The following NFASC variants were observed in gnomAD, a reference collection of about 807,000 sequenced individuals.
NFASC encodes neurofascin homolog.
Under a neutral mutation model 147.5 loss-of-function variants are expected in NFASC, and 43 were observed. The ratio of observed to expected loss-of-function variants is 0.29; its 90% CI spans 0.23 to 0.38. NFASC has a LOEUF of 0.38. NFASC is among the 10% of genes least tolerant of loss of function. The pLI, the probability that NFASC is intolerant of heterozygous loss-of-function variation, is 1.00. For synonymous variants in NFASC, 622 were observed against 665.5 expected (o/e 0.93, Z 1.01); for missense variants, 1,320 against 1,689.0 (o/e 0.78, Z 3.83).
intron 1 of NFASC, among the ~76,000 whole-genome samples, chr1:204,838,603 A>G (rs1674450507): frequency 6.6e-6 from 1 of 152,192 alleles, no homozygotes; most frequent in African/African-American, 2.4e-5. Context: ...CTGGAACGGG[A>G]AAGCGATGTA....
chr1:204,981,521 T>G (rs542870681), intron 20 of NFASC, among the ~76,000 whole-genome samples: 9 of 152,382 alleles, frequency 5.9e-5, no homozygotes, highest in African/African-American at 2.2e-4. Context: ...AATAAAACCT[T>G]TGCACCTACA....
Position 204,974,157 on chromosome 1 carries a change from A to T in NFASC, c.1280-22A>T, listed in dbSNP as rs2595945. On this transcript the variant is annotated intron_variant, in intron 12 of 29. Coordinates refer to ENST00000339876, the MANE Select transcript of NFASC (RefSeq NM_001005388.3). ...GAAGAGTTTAGACTTGGCACTCGAG[A>T]TTGCTTCTCTGGGAATTTCAGATGT... The T allele has an allele frequency of 0.98, 1,570,995 of 1,601,988 alleles. 772,468 individuals carry two copies. Among genetic ancestry groups the T allele is most frequent in the Non-Finnish European group, 0.99 (1,164,948 of 1,171,578 alleles).
At chr1:204,883,498 A>G (rs12047101) in intron 1 of NFASC, among the ~76,000 whole-genome samples, 10,646 of 152,244 alleles carry the variant, frequency 0.07, 1,058 homozygotes, top group East Asian at 0.21. Flanking sequence ...GGTGTGGAGT[A>G]TATGTGCTCA....
intron 29 of NFASC, among the ~76,000 whole-genome samples, chr1:205,013,502 C>G (rs1404480832): frequency 1.3e-5 from 2 of 152,170 alleles, no homozygotes; most frequent in African/African-American, 4.8e-5. Context: ...TTCCAAGGTC[C>G]CCACCCAGTG....
At position 204,957,195 on chromosome 1, in the gene NFASC, C is replaced by T. The variant is rs72751469; in HGVS notation, c.536-461C>T. On this transcript the variant is annotated intron_variant, in intron 7 of 29. Transcript: ENST00000339876. The stretch of plus-strand genomic sequence containing the variant: ...TAATTCAGCAAACTGTTGAGTGACT[C>T]CTATATGCCGAGTCCTAAGACAGGT... Among the ~76,000 whole-genome samples the T allele has an allele frequency of 1.5e-3, 235 of 152,298 alleles. 1 individual carries two copies. The highest frequency in any genetic ancestry group is 2.5e-3 in the Non-Finnish European group (172 of 68,018).
intron 1 of NFASC, among the ~76,000 whole-genome samples, chr1:204,881,508 G>T (rs1449438285): frequency 6.6e-6 from 1 of 152,238 alleles, no homozygotes; most frequent in Non-Finnish European, 1.5e-5. Flanking sequence ...TCACTATCCA[G>T]TTGAGCTTTA....
intron 1 of NFASC, among the ~76,000 whole-genome samples, chr1:204,881,068 G>A (rs1224110316): frequency 2.6e-5 from 4 of 152,214 alleles, no homozygotes; most frequent in Non-Finnish European, 5.9e-5. Context: ...GGGCAACTGA[G>A]GCTCCCCTGG....
At chr1:204,920,572 T>C in intron 1 of NFASC, 60 bp from the exon 2 acceptor site, 2 of 879,198 alleles carry the variant, frequency 2.3e-6, no homozygotes, top group Non-Finnish European at 3.2e-6. Context: ...ACAAAGGCTT[T>C]TTTTTTTCTT....
At chr1:204,957,511 T>C in intron 7 of NFASC, 145 bp from the exon 8 acceptor site, 1 of 675,274 alleles carries the variant, frequency 1.5e-6, no homozygotes, top group Non-Finnish European at 2.6e-6. Context: ...TAAGCCATAC[T>C]TCAGAGTTGA....
chr1:204,989,018 A>G lies in NFASC; in HGVS notation c.2767+212A>G, dbSNP rs2095667831. 8 of 591,264 alleles carry G rather than the reference A, an allele frequency of 1.4e-5. No individual in the cohort carries two copies. The South Asian group carries it at 1.4e-4, about 11-fold the overall frequency. 36.6% of individuals were successfully genotyped at this position (591,264 alleles called of 1,614,324 possible). A position where few individuals can be genotyped will look rare whatever the true frequency, so the allele number is the denominator to read the frequency against. On this transcript the variant is annotated intron_variant, in intron 23 of 29. Coordinates refer to ENST00000339876, the MANE Select transcript of NFASC (RefSeq NM_001005388.3). ...CAGCTCTCCTTGGACCACTGTGGTC[A>G]CACCTGGGTCCCCACTTGCCCTGAC... is the stretch of plus-strand genomic sequence containing the variant.
At chr1:204,918,442 G>A (rs548956270) in intron 1 of NFASC, among the ~76,000 whole-genome samples, 1 of 152,208 alleles carries the variant, frequency 6.6e-6, no homozygotes, top group Non-Finnish European at 1.5e-5. Flanking sequence ...GTGTGGCACA[G>A]GGAAGCCAAA....
intron 4 of NFASC, 149 bp from the exon 5 acceptor site, chr1:204,951,862 G>C (rs894409338): frequency 1.5e-5 from 9 of 599,782 alleles, no homozygotes; most frequent in Non-Finnish European, 2.4e-5. Flanking sequence ...TGGGTCTCTA[G>C]AATGGGGCCC....
chr1:204,914,144 G>C (rs1267778305), intron 1 of NFASC, among the ~76,000 whole-genome samples: 1 of 152,176 alleles, frequency 6.6e-6, no homozygotes, highest in Non-Finnish European at 1.5e-5. Context: ...AGTAAAAGAA[G>C]TTCCTTCAAA....
At chr1:204,858,472 G>C (rs2076361462) in intron 1 of NFASC, among the ~76,000 whole-genome samples, 1 of 152,154 alleles carries the variant, frequency 6.6e-6, no homozygotes, top group Non-Finnish European at 1.5e-5. Context: ...TACAGAACAG[G>C]TGGAGGGGAA....
intron 1 of NFASC, among the ~76,000 whole-genome samples, chr1:204,868,417 G>A (rs766553489): frequency 7.2e-5 from 11 of 152,282 alleles, no homozygotes; most frequent in East Asian, 1.9e-4. Context: ...ACATGCTGGC[G>A]CTCTCCCCCA....
intron 1 of NFASC, among the ~76,000 whole-genome samples, chr1:204,830,332 G>A (rs2102316545): frequency 6.6e-6 from 1 of 152,272 alleles, no homozygotes; most frequent in South Asian, 2.1e-4. Context: ...TGTGTGAAGA[G>A]TGGAAGCCTC....
chr1:204,911,445 T>A (rs1455163970), intron 1 of NFASC, among the ~76,000 whole-genome samples: 1 of 152,234 alleles, frequency 6.6e-6, no homozygotes, highest in East Asian at 1.9e-4. Context: ...CTTGAGCTCC[T>A]GGCCTAAAGC....
At chr1:204,869,858 A>G (rs914476819) in intron 1 of NFASC, among the ~76,000 whole-genome samples, 1 of 152,196 alleles carries the variant, frequency 6.6e-6, no homozygotes. Context: ...GGTTGTTTCT[A>G]ACTTTTTCTT....
intron 24 of NFASC, among the ~76,000 whole-genome samples, chr1:204,995,019 C>T (rs2095816833): frequency 6.6e-6 from 1 of 152,074 alleles, no homozygotes; most frequent in African/African-American, 2.4e-5. Context: ...ACTCAGGAGG[C>T]TGAGGTGGGA....
Sources: allele counts gnomAD v4.1 joint callset (sites outside exome capture counted in the v4.1 genomes callset), GRCh38; gene constraint gnomAD v4.1.1; transcripts MANE v1.5; gene names NCBI Gene and HGNC (gene_info 2026-07-23, HGNC 2026-07-21).